The following PCDH11X variants were observed in gnomAD, a reference collection of about 807,000 sequenced individuals.
PCDH11X encodes protocadherin 11 X-linked.
Under a neutral mutation model 53.3 loss-of-function variants are expected in PCDH11X, and 18 were observed. That is an observed-to-expected ratio of 0.34 (90% CI 0.23 to 0.50). PCDH11X has a LOEUF of 0.50. PCDH11X is among the 20% of genes least tolerant of loss of function. The pLI, the probability that PCDH11X is intolerant of heterozygous loss-of-function variation, is 0.98. For missense variants in PCDH11X, 570 were observed against 1,032.4 expected (o/e 0.55, Z 6.14); for synonymous variants, 279 against 393.3 (o/e 0.71, Z 3.44).
At chrX:92,314,344 T>C (rs1404080063) in intron 8 of PCDH11X, among the ~76,000 whole-genome samples, 2 of 111,184 alleles carry the variant, frequency 1.8e-5, no homozygotes, top group Admixed American at 9.7e-5. Flanking sequence ...TCAGAGGCAA[T>C]AGTATGCATG....
intron 7 of PCDH11X, among the ~76,000 whole-genome samples, chrX:92,251,729 T>A (rs397580): frequency 9.1e-6 from 1 of 109,779 alleles, no homozygotes; most frequent in African/African-American, 3.3e-5. Flanking sequence ...CAGTGACGAC[T>A]GTAGTATCAA....
At chrX:92,099,452 A>C (rs2064199951) in intron 6 of PCDH11X, among the ~76,000 whole-genome samples, 1 of 109,242 alleles carries the variant, frequency 9.2e-6, no homozygotes, top group Admixed American at 9.9e-5. Flanking sequence ...CTTCAACTGC[A>C]GGTCATATGC....
chrX:91,949,046 A>G (rs2061608617), intron 6 of PCDH11X, among the ~76,000 whole-genome samples: 1 of 110,380 alleles, frequency 9.1e-6, no homozygotes, highest in South Asian at 3.9e-4. Context: ...AAGAGAGAGT[A>G]TTTGTTACAA....
intron 10 of PCDH11X, among the ~76,000 whole-genome samples, chrX:92,558,227 T>G (rs1277788061): frequency 1.8e-5 from 2 of 109,752 alleles, no homozygotes; most frequent in Non-Finnish European, 3.8e-5. Flanking sequence ...ACATCACAAT[T>G]TAATCTTGAC....
chrX:92,267,104 A>G, intron 8 of PCDH11X, among the ~76,000 whole-genome samples: 1 of 111,787 alleles, frequency 8.9e-6, no homozygotes, highest in Middle Eastern at 4.6e-3. Flanking sequence ...TAGTTTTTGA[A>G]ATTTCCTCGT....
At chrX:91,905,487 T>A (rs113377744) in intron 6 of PCDH11X, among the ~76,000 whole-genome samples, 1,396 of 111,314 alleles carry the variant, frequency 0.013, 18 homozygotes, top group African/African-American at 0.042. Context: ...ATCTCATCAG[T>A]TATCAATACT....
intron 7 of PCDH11X, among the ~76,000 whole-genome samples, chrX:92,208,193 TAAAAAAAA>T (rs66614821): frequency 4.7e-5 from 4 of 85,320 alleles, no homozygotes; most frequent in Non-Finnish European, 6.7e-5. Context: ...AGACTCCATC[TAAAAAAAA>T]AAAAAAAAAA....
chrX:91,937,646 A>AG (rs958431728), intron 6 of PCDH11X, among the ~76,000 whole-genome samples: 2 of 110,536 alleles, frequency 1.8e-5, no homozygotes, highest in Admixed American at 9.7e-5. Context: ...ATGGATAGGA[A>AG]GAGTGATTAG....
rs535795119 is a variant in PCDH11X, at chrX:91,850,277, T to C, written c.540+14233T>C. Among the ~76,000 whole-genome samples, 74 of 110,128 alleles carry C rather than the reference T, an allele frequency of 6.7e-4. 3 individuals are homozygous for C. In the South Asian group the frequency reaches 0.029, roughly 44 times the overall value. On this transcript the variant is annotated intron_variant, in intron 5 of 10. Coordinates refer to ENST00000682573, the MANE Select transcript of PCDH11X (RefSeq NM_032968.5). ...GTAGGTGTCACAAACCTCAGTGTAA[T>C]AGGCATCATTGATAAGAGATTCCTC...
At chrX:92,258,762 C>T (rs776292644) in intron 7 of PCDH11X, among the ~76,000 whole-genome samples, 2 of 111,729 alleles carry the variant, frequency 1.8e-5, no homozygotes, top group South Asian at 7.5e-4. Context: ...GCAAATTTTT[C>T]AAAATTTTAT....
At chrX:91,795,908 A>G (rs1414078019) in intron 1 of PCDH11X, among the ~76,000 whole-genome samples, 1 of 111,738 alleles carries the variant, frequency 8.9e-6, no homozygotes, top group Non-Finnish European at 1.9e-5. Context: ...TATGGAACTT[A>G]TGTTTTGCTT....
intron 6 of PCDH11X, among the ~76,000 whole-genome samples, chrX:92,089,827 G>A (rs36064301): frequency 9.1e-6 from 1 of 109,840 alleles, no homozygotes; most frequent in East Asian, 2.9e-4. Flanking sequence ...CTGGCAGTAA[G>A]TTGTTTTTTA....
At chrX:91,907,412 C>CCCACACACAGAGAG (rs1556333002) in intron 6 of PCDH11X, among the ~76,000 whole-genome samples, 15 of 57,498 alleles carry the variant, frequency 2.6e-4, no homozygotes, top group African/African-American at 1.0e-3. Flanking sequence ...CACACACACA[C>CCCACACACAGAGAG]AGAGAGAGAG....
At chrX:92,404,786 C>A (rs1015159685) in intron 9 of PCDH11X, among the ~76,000 whole-genome samples, 2 of 98,632 alleles carry the variant, frequency 2.0e-5, no homozygotes, top group Non-Finnish European at 4.0e-5. Context: ...GAGGGGTAGG[C>A]AATAGGTTGG....
intron 6 of PCDH11X, among the ~76,000 whole-genome samples, chrX:92,146,361 A>G (rs1371427064): frequency 9.0e-6 from 1 of 111,174 alleles, no homozygotes; most frequent in Non-Finnish European, 1.9e-5. Flanking sequence ...GAGGGAGCCT[A>G]CAGCCCTCCT....
intron 6 of PCDH11X, among the ~76,000 whole-genome samples, chrX:92,107,112 C>A (rs35700624): frequency 1.8e-5 from 2 of 111,441 alleles, no homozygotes; most frequent in African/African-American, 6.5e-5. Flanking sequence ...CCATCTATGA[C>A]CTGGAAGCCA....
intron 8 of PCDH11X, among the ~76,000 whole-genome samples, chrX:92,286,456 A>G (rs2068375540): frequency 4.5e-4 from 5 of 11,115 alleles, no homozygotes; most frequent in East Asian, 3.5e-3. Flanking sequence ...TCAAAAAGTA[A>G]AAAAAAAAAA....
intron 6 of PCDH11X, among the ~76,000 whole-genome samples, chrX:91,912,433 G>T (rs1001165414): frequency 2.2e-4 from 24 of 110,660 alleles, no homozygotes; most frequent in African/African-American, 7.9e-4. Flanking sequence ...TTATGTTGAG[G>T]TATATTTTTT....
intron 6 of PCDH11X, among the ~76,000 whole-genome samples, chrX:92,053,116 A>G (rs1471565450): frequency 2.7e-5 from 3 of 111,949 alleles, no homozygotes; most frequent in Admixed American, 1.9e-4. Flanking sequence ...GTATTTACAT[A>G]TTTATCATAT....
Sources: gnomAD v4.1 joint callset for allele counts (sites outside exome capture counted in the v4.1 genomes callset) on GRCh38, gnomAD v4.1.1 for gene constraint, MANE v1.5 for transcripts, NCBI Gene and HGNC (gene_info 2026-07-23, HGNC 2026-07-21) for gene names.